Variants in ZSCAN5B observed in about 807,000 individuals in gnomAD.
ZSCAN5B encodes zinc finger and SCAN domain containing 5B.
Under a neutral mutation model 25.2 loss-of-function variants are expected in ZSCAN5B, and 26 were observed. The ratio of observed to expected loss-of-function variants is 1.03; its 90% CI spans 0.76 to 1.43. The LOEUF (loss-of-function observed/expected upper bound fraction) is 1.43, where lower values mean the gene tolerates loss of function less well. Among genes scored for constraint, ZSCAN5B ranks in the 40% most tolerant of loss-of-function variants. ZSCAN5B has a pLI of 0.00. For synonymous variants in ZSCAN5B, 244 were observed against 240.9 expected (o/e 1.01, Z -0.12); for missense variants, 745 against 622.1 (o/e 1.20, Z -2.10).
At position 56,191,830 on chromosome 19, in the gene ZSCAN5B, C is replaced by T; in HGVS notation, c.588+20G>A. On this transcript the variant is annotated intron_variant, in intron 3 of 4. Coordinates refer to ENST00000586855, the Ensembl canonical transcript of ZSCAN5B. The stretch of plus-strand genomic sequence containing the variant: ...TCCTTCTCCCACCTCTGCCCAGACA[C>T]CAAGGCCTCACACACTCACCTGCCT... The T allele has an allele frequency of 6.2e-7, 1 of 1,611,922 alleles. No individual in the cohort carries two copies. The highest frequency in any genetic ancestry group is 8.5e-7 in the Non-Finnish European group (1 of 1,178,442).
chr19:56,195,904 A>C (rs2032804042), intron 1 of ZSCAN5B, among the ~76,000 whole-genome samples: 1 of 152,154 alleles, frequency 6.6e-6, no homozygotes, highest in Non-Finnish European at 1.5e-5. Flanking sequence ...TCTGTCACCC[A>C]GGCTGGAATG....
chr19:56,193,124 T>G, exon 2 of ZSCAN5B: 4 of 1,434,122 alleles, frequency 2.8e-6, no homozygotes, highest in Non-Finnish European at 3.7e-6. Context: ...TGAGACCTAT[T>G]TACACAGGCT....
Position 56,192,501 on chromosome 19 carries a change from C to T in ZSCAN5B, c.384+168G>A, listed in dbSNP as rs2032750693. Among the ~76,000 whole-genome samples the T allele has an allele frequency of 2.0e-5, 3 of 152,228 alleles. No homozygotes were observed. In the South Asian group the frequency reaches 6.2e-4, roughly 32 times the overall value. On this transcript the variant is annotated intron_variant, in intron 2 of 4. Coordinates refer to ENST00000586855, the Ensembl canonical transcript of ZSCAN5B. ...GGCCTAATATTTTACCAATGTCTTTCTTTCAGGTTGGCCTCACACAGTGTG... is the reference window on the plus strand; with the variant it reads ...GGCCTAATATTTTACCAATGTCTTTTTTTCAGGTTGGCCTCACACAGTGTG...
exon 5 of ZSCAN5B, chr19:56,190,209 T>G: frequency 6.2e-7 from 1 of 1,614,106 alleles, no homozygotes; most frequent in South Asian, 1.1e-5. Flanking sequence ...GATGCTTAGC[T>G]GGGAAAAATA....
At chr19:56,197,816 G>C (rs1383907858) in exon 1 of ZSCAN5B, 3 of 985,232 alleles carry the variant, frequency 3.0e-6, no homozygotes, top group Non-Finnish European at 1.2e-6. Context: ...GTCTATTTAT[G>C]GAGAAGCGGG....
At chr19:56,194,011 T>C (rs1184886124) in intron 1 of ZSCAN5B, among the ~76,000 whole-genome samples, 1 of 151,916 alleles carries the variant, frequency 6.6e-6, no homozygotes, top group African/African-American at 2.4e-5. Context: ...AGATATGTGG[T>C]TGTTTCGGTA....
At chr19:56,192,793 A>G (rs1430646035) in exon 2 of ZSCAN5B, 2 of 1,611,918 alleles carry the variant, frequency 1.2e-6, no homozygotes, top group East Asian at 2.2e-5. Context: ...CTCCATCACC[A>G]GCATGTCCAG....
exon 3 of ZSCAN5B, chr19:56,192,003 G>C (rs761253719): frequency 9.6e-5 from 155 of 1,613,484 alleles, no homozygotes; most frequent in Non-Finnish European, 1.3e-4. Context: ...CAGCCATCTC[G>C]ACATCTGAGT....
At chr19:56,191,397 G>T (rs1035401274) in intron 3 of ZSCAN5B, among the ~76,000 whole-genome samples, 7 of 152,090 alleles carry the variant, frequency 4.6e-5, no homozygotes, top group Non-Finnish European at 1.0e-4. Context: ...CACCACCCCT[G>T]AGAATGCCAA....
chr19:56,195,104 T>C (rs2032793828), intron 1 of ZSCAN5B, among the ~76,000 whole-genome samples: 1 of 151,970 alleles, frequency 6.6e-6, no homozygotes. Context: ...TCAGGAAAGG[T>C]CACTGGAAGC....
At chr19:56,190,360 C>T (rs868504737) in exon 5 of ZSCAN5B, 1 of 1,614,066 alleles carries the variant, frequency 6.2e-7, no homozygotes, top group Non-Finnish European at 8.5e-7. Context: ...TCTCTGTTGC[C>T]CACAGGTGTG....
At chr19:56,191,389 C>T (rs2032730981) in intron 3 of ZSCAN5B, among the ~76,000 whole-genome samples, 1 of 152,180 alleles carries the variant, frequency 6.6e-6, no homozygotes, top group Admixed American at 6.5e-5. Flanking sequence ...CAACACCCCA[C>T]CACCCCTGAG....
chr19:56,197,857 C>A, exon 1 of ZSCAN5B: 1 of 985,250 alleles, frequency 1.0e-6, no homozygotes, highest in Non-Finnish European at 1.2e-6. Flanking sequence ...TTCCCTGCGC[C>A]GCGCCGTGAT....
chr19:56,195,780 AC>A (rs2032802429), intron 1 of ZSCAN5B, among the ~76,000 whole-genome samples: 1 of 152,120 alleles, frequency 6.6e-6, no homozygotes, highest in South Asian at 2.1e-4. Flanking sequence ...CCTCAGCATC[AC>A]TCAGTACACT....
At chr19:56,193,956 C>CAAA (rs34181873) in intron 1 of ZSCAN5B, among the ~76,000 whole-genome samples, 1 of 123,668 alleles carries the variant, frequency 8.1e-6, no homozygotes. Context: ...GACTCCATCT[C>CAAA]AAAAAAAAAA....
intron 2 of ZSCAN5B, 28 bp from the exon 3 acceptor site, chr19:56,192,081 A>G (rs2032745017): frequency 6.3e-7 from 1 of 1,580,302 alleles, no homozygotes; most frequent in Non-Finnish European, 8.6e-7. Flanking sequence ...ACAATCAGAC[A>G]CTATGAGAAC....
chr19:56,195,941 C>A (rs1435368364), intron 1 of ZSCAN5B, among the ~76,000 whole-genome samples: 1 of 152,202 alleles, frequency 6.6e-6, no homozygotes, highest in East Asian at 1.9e-4. Flanking sequence ...CTTGCTGCAG[C>A]CTTGACTTCT....
At chr19:56,192,631 C>A in intron 2 of ZSCAN5B, 38 bp downstream of exon 2, 1 of 1,558,374 alleles carries the variant, frequency 6.4e-7, no homozygotes. Flanking sequence ...CCCATCCCAG[C>A]TCCCCTTCCC....
Position 56,190,110 on chromosome 19 carries a change from T to G in ZSCAN5B, c.1205A>C (p.Gln402Pro), listed in dbSNP as rs766301991. ...GGGCCTCTCGCCAGTGTGGACTCGC[T>G]GGTGAACTCGGAGGTCTGAGGGCTG... is the stretch of plus-strand genomic sequence containing the variant. Residue 402 changes from glutamine (Q) to proline (P), a missense_variant, in exon 5 of 5, where the codon CAG becomes CCG. Coordinates refer to ENST00000586855, the Ensembl canonical transcript of ZSCAN5B. 14 of 1,613,990 alleles carry G rather than the reference T, an allele frequency of 8.7e-6. No homozygotes were observed. Among genetic ancestry groups the G allele is most frequent in the South Asian group, 1.1e-5 (1 of 91,076 alleles).
Sources: gnomAD v4.1 joint callset for allele counts (sites outside exome capture counted in the v4.1 genomes callset) on GRCh38, gnomAD v4.1.1 for gene constraint, MANE v1.5 for transcripts, NCBI Gene and HGNC (gene_info 2026-07-23, HGNC 2026-07-21) for gene names.